PRKACB: variants seen among roughly 807,000 people sequenced by gnomAD.
PRKACB encodes cAMP-dependent protein kinase catalytic subunit beta.
In PRKACB, 16 loss-of-function variants were observed where a neutral mutation model predicts 51.4. That is an observed-to-expected ratio of 0.31 (90% confidence interval 0.21 to 0.47). The LOEUF is 0.47. Among genes scored for constraint, PRKACB ranks in the 20% least tolerant of loss-of-function variants. The pLI, the probability that PRKACB is intolerant of heterozygous loss-of-function variation, is 1.00. For missense variants in PRKACB, 309 were observed against 464.5 expected, an observed-to-expected ratio of 0.67 and a Z score of 3.08; for synonymous variants, 147 against 154.4, an observed-to-expected ratio of 0.95 and a Z score of 0.35.
At chr1:84,155,554 T>G (rs1655392868) in intron 1 of PRKACB, among the ~76,000 whole-genome samples, 2 of 152,146 alleles carry the variant, frequency 1.3e-5, no homozygotes, top group South Asian at 4.1e-4. Flanking sequence ...GACCCTAATA[T>G]CCTAAGCAAT....
At chr1:84,174,046 G>C (rs1043102537) in intron 1 of PRKACB, among the ~76,000 whole-genome samples, 1 of 151,696 alleles carries the variant, frequency 6.6e-6, no homozygotes, top group Non-Finnish European at 1.5e-5. Context: ...GGAAGAAATA[G>C]AATCTAGCAA....
rs952412240 is a variant in PRKACB at position 84,214,081 on chromosome 1, A to T, written c.907-72A>T. The T allele has an allele frequency of 7.0e-6, 10 of 1,423,922 alleles. No homozygotes were observed. In the South Asian group the frequency reaches 1.5e-4, roughly 21 times the overall value. The allele number at this position is 1,423,922 out of a possible 1,614,324, so 88.2% of individuals were successfully genotyped here. ...AATGGCTTGTTGCCTTGAAAAAAAAACTTTATGAAATCAAAACAGAAATAT... is the reference window on the plus strand; with the variant it reads ...AATGGCTTGTTGCCTTGAAAAAAAATCTTTATGAAATCAAAACAGAAATAT... On this transcript the variant is annotated intron_variant, in intron 8 of 9. Transcript: ENST00000370685.
intron 9 of PRKACB, among the ~76,000 whole-genome samples, chr1:84,216,931 C>G (rs570262877): frequency 6.6e-6 from 1 of 152,274 alleles, no homozygotes; most frequent in African/African-American, 2.4e-5. Context: ...ATGAATTTTA[C>G]GTGTATCATC....
intron 1 of PRKACB, among the ~76,000 whole-genome samples, chr1:84,163,127 C>G (rs1656449651): frequency 6.6e-6 from 1 of 152,054 alleles, no homozygotes; most frequent in Non-Finnish European, 1.5e-5. Flanking sequence ...AGGTTGTACT[C>G]AAACACTGGG....
At chr1:84,196,792 A>G in intron 6 of PRKACB, 50 bp downstream of exon 6, 5 of 1,521,970 alleles carry the variant, frequency 3.3e-6, no homozygotes, top group Non-Finnish European at 4.4e-6. Context: ...ATACTAGGCA[A>G]GACATTGTAT....
At chr1:84,094,215 T>G (rs1050359371) in intron 1 of PRKACB, among the ~76,000 whole-genome samples, 7 of 151,982 alleles carry the variant, frequency 4.6e-5, no homozygotes, top group African/African-American at 1.4e-4. Flanking sequence ...GGCAGAAAAT[T>G]TTTAAGATAT....
chr1:84,085,738 G>A (rs927792585), intron 1 of PRKACB: 3 of 256,742 alleles, frequency 1.2e-5, no homozygotes, highest in African/African-American at 2.2e-5. Flanking sequence ...GCGCTGCAGG[G>A]AAATGTCTCA....
intron 1 of PRKACB, among the ~76,000 whole-genome samples, chr1:84,145,433 G>A (rs1653926593): frequency 6.6e-6 from 1 of 152,052 alleles, no homozygotes; most frequent in Non-Finnish European, 1.5e-5. Context: ...TTCTGTTTAT[G>A]TATTTGGTAG....
At chr1:84,199,085 ATG>A (rs1558241483) in intron 7 of PRKACB, among the ~76,000 whole-genome samples, 46 of 142,022 alleles carry the variant, frequency 3.2e-4, no homozygotes, top group African/African-American at 8.0e-4. Flanking sequence ...ATGTATATAT[ATG>A]CGTATATATG....
In PRKACB at chr1:84,184,082, A is replaced by G; in HGVS notation, c.424A>G (p.Ile142Val). 6.2e-7 allele frequency: 1 copy of G among 1,605,662 alleles called. No homozygotes were observed. The highest frequency in any genetic ancestry group is 2.3e-5 in the East Asian group (1 of 44,394). Residue 142 changes from isoleucine (I) to valine (V), a missense_variant, in exon 4 of 10, where the codon ATA (isoleucine) becomes GTA (valine). Transcript: ENST00000370685. ...AGAGCATACTTTGAATGAGAAAAGAATATTACAGGCAGTGAATTTTCCTTT... is the reference window on the plus strand; with the variant it reads ...AGAGCATACTTTGAATGAGAAAAGAGTATTACAGGCAGTGAATTTTCCTTT... ...QIEHTLNEKRILQAVNFPFLV... is the reference protein window; with the variant it reads ...QIEHTLNEKRVLQAVNFPFLV...
At chr1:84,207,244 T>A (rs1671472245) in intron 8 of PRKACB, among the ~76,000 whole-genome samples, 1 of 152,110 alleles carries the variant, frequency 6.6e-6, no homozygotes. Context: ...GAGAATGGGG[T>A]GGATCATAAT....
intron 1 of PRKACB, among the ~76,000 whole-genome samples, chr1:84,134,577 G>A (rs1652601067): frequency 6.6e-6 from 1 of 152,062 alleles, no homozygotes; most frequent in Admixed American, 6.5e-5. Context: ...AACTAAAAAG[G>A]ATTCTAAAGA....
At chr1:84,181,687 T>A in intron 2 of PRKACB, 1 of 1,522,848 alleles carries the variant, frequency 6.6e-7, no homozygotes, top group Non-Finnish European at 8.8e-7. Flanking sequence ...TTCTATAAGC[T>A]TATATAAAGA....
At chr1:84,136,743 AGC>A (rs1000254289) in intron 1 of PRKACB, among the ~76,000 whole-genome samples, 4 of 152,200 alleles carry the variant, frequency 2.6e-5, no homozygotes, top group African/African-American at 9.6e-5. Flanking sequence ...TGCACATTAT[AGC>A]TTCCTTCATA....
intron 1 of PRKACB, among the ~76,000 whole-genome samples, chr1:84,149,816 C>T (rs1205576378): frequency 2.6e-5 from 4 of 151,786 alleles, no homozygotes; most frequent in African/African-American, 9.7e-5. Flanking sequence ...AAGTTATGAC[C>T]ATTTTAAGGC....
intron 1 of PRKACB, among the ~76,000 whole-genome samples, chr1:84,086,747 C>T (rs369509589): frequency 1.3e-5 from 2 of 152,238 alleles, no homozygotes; most frequent in East Asian, 3.8e-4. Flanking sequence ...GTCCCACACT[C>T]AAATCCCCTG....
At chr1:84,193,185 C>A (rs142650181) in intron 5 of PRKACB, among the ~76,000 whole-genome samples, 1 of 152,052 alleles carries the variant, frequency 6.6e-6, no homozygotes, top group East Asian at 1.9e-4. Context: ...CAGCCAAATC[C>A]CAAATAAAAC....
chr1:84,182,164 G>A (rs566538238), intron 2 of PRKACB, 36 bp from the exon 3 acceptor site: 45 of 1,392,890 alleles, frequency 3.2e-5, no homozygotes, highest in Middle Eastern at 2.4e-4. Flanking sequence ...GTGTTTTTAC[G>A]AGAATTTTAA....
rs1215904344 is a variant in PRKACB at position 84,238,486 on chromosome 1, A to G, written c.*3181A>G. 4 of 152,576 alleles carry G rather than the reference A, an allele frequency of 2.6e-5. No individual in the cohort carries two copies. Among genetic ancestry groups the G allele is most frequent in the African/African-American group, 9.7e-5 (4 of 41,432 alleles). 9.5% of individuals were successfully genotyped at this position (152,576 alleles called of 1,614,324 possible). On this transcript the variant is annotated 3_prime_UTR_variant, in exon 10 of 10. Transcript: ENST00000370685. ...TAACTGCAAAATTAAAGTACCTTCA[A>G]TGGATAAGACAATTGATTGAGTCGT...
Sources: gnomAD v4.1 joint callset for allele counts (sites outside exome capture counted in the v4.1 genomes callset) on GRCh38, gnomAD v4.1.1 for gene constraint, MANE v1.5 for transcripts, NCBI Gene and HGNC (gene_info 2026-07-23, HGNC 2026-07-21) for gene names.